SLC19A1: variants seen among roughly 807,000 people sequenced by gnomAD.
SLC19A1 encodes solute carrier family 19 member 1.
A neutral mutation model predicts 35.3 loss-of-function variants in SLC19A1; 37 were observed. The observed-to-expected ratio is 1.05, with a 90% CI of 0.81 to 1.38. The LOEUF is 1.38. Among genes scored for constraint, SLC19A1 ranks in the 40% most tolerant of loss-of-function variants. The probability of loss-of-function intolerance (pLI) is 0.00; values close to 1 mark genes in which losing one functional copy is unlikely to be tolerated. For synonymous variants in SLC19A1, 460 were observed against 398.5 expected (o/e 1.15, Z -1.84); for missense variants, 831 against 826.9 (o/e 1.00, Z -0.06).
chr21:45,504,645 G>T (rs1006240738), intron 3 of SLC19A1: 50 of 1,187,040 alleles, frequency 4.2e-5, no homozygotes, highest in Middle Eastern at 2.7e-4. Flanking sequence ...TTCGACACCC[G>T]CGAAGGCCGG....
intron 1 of SLC19A1, among the ~76,000 whole-genome samples, chr21:45,558,812 T>C (rs75586415): frequency 5.4e-5 from 2 of 37,232 alleles, no homozygotes; most frequent in Non-Finnish European, 1.0e-4. Flanking sequence ...TTTTCTTTTT[T>C]CTTTTTTTTT....
intron 5 of SLC19A1, among the ~76,000 whole-genome samples, chr21:45,516,864 G>A (rs2037973022): frequency 6.6e-6 from 1 of 152,202 alleles, no homozygotes; most frequent in Non-Finnish European, 1.5e-5. Context: ...CACATCCGCA[G>A]GCCAGAATCC....
chr21:45,517,671 T>TG lies in SLC19A1; in HGVS notation c.1294-1532dup, dbSNP rs796317298. On this transcript the variant is annotated intron_variant, in intron 5 of 5. Transcript: ENST00000311124. This position sits in a 1 kb window ranked among gnomAD's most constrained non-coding sequence, Gnocchi z 4.4. ...GTGCCTGTCCTGTCCCCCTCCATGC[T>TG]GGGGGGTGTCAGAGGAGGTCAAGCG... Among the ~76,000 whole-genome samples the TG allele has an allele frequency of 1.6e-4, 25 of 152,142 alleles. 1 individual carries two copies. The highest frequency in any genetic ancestry group is 6.0e-4 in the African/African-American group (25 of 41,482).
chr21:45,553,526 G>T (rs1240355360), intron 1 of SLC19A1, among the ~76,000 whole-genome samples: 1 of 151,580 alleles, frequency 6.6e-6, no homozygotes, highest in Non-Finnish European at 1.5e-5. Flanking sequence ...TGGCATTAAG[G>T]ACATTCACAC....
intron 3 of SLC19A1, chr21:45,506,787 C>CTGGAGCCCTCCCACCCTCCTAT (rs1422319902): frequency 0.04 from 2,214 of 55,418 alleles, 20 homozygotes; most frequent in South Asian, 0.065. Flanking sequence ...CACCTTCCCT[C>CTGGAGCCCTCCCACCCTCCTAT]TGGAGCCCTC....
chr21:45,552,706 A>T (rs113677723), intron 1 of SLC19A1, among the ~76,000 whole-genome samples: 5,525 of 151,328 alleles, frequency 0.037, 143 homozygotes, highest in Non-Finnish European at 0.054. Flanking sequence ...GGTTGGGGCC[A>T]GTCTCATCCT....
rs28756113 is a variant in SLC19A1 at position 45,530,171 on chromosome 21, G to A, written c.1151+599C>T. Among the ~76,000 whole-genome samples the A allele has an allele frequency of 0.011, 1,626 of 150,606 alleles. 22 individuals carry two copies. Among genetic ancestry groups the A allele is most frequent in the African/African-American group, 0.034 (1,390 of 40,914 alleles). ...CATTGTGTGTCCGTGTGTGTGTGGTGCGTCCATGTGTAGTGGGTGTCCATG... is the reference window on the plus strand; with the variant it reads ...CATTGTGTGTCCGTGTGTGTGTGGTACGTCCATGTGTAGTGGGTGTCCATG... On this transcript the variant is annotated intron_variant, in intron 4 of 5. Transcript: ENST00000311124. The surrounding 1 kb of genome is among the most constrained non-coding windows in gnomAD (Gnocchi z 5.3).
rs2037891219 is a variant in SLC19A1, at chr21:45,515,797, C to T, written c.1637G>A (p.Cys546Tyr). 6.2e-7 allele frequency: 1 copy of T among 1,612,994 alleles called. No homozygotes were observed. The highest frequency in any genetic ancestry group is 8.5e-7 in the Non-Finnish European group (1 of 1,179,604). The change falls in exon 6 of 6, where the codon TGC becomes TAC. Residue 546 changes from cysteine to tyrosine, a missense_variant. Transcript: ENST00000311124. ...TGAGGCTTGGGCGGAGCACAGAGTG[C>T]AGGGGGAAGGGGTTGTCACTGGGCT... ...FLSPVTTPSP[C>Y]TLCSAQASGP...
chr21:45,509,063 G>C (rs755187126), downstream of SLC19A1, among the ~76,000 whole-genome samples: 1 of 152,130 alleles, frequency 6.6e-6, no homozygotes, highest in Non-Finnish European at 1.5e-5. Context: ...TTGGAGCCGC[G>C]GCAAAGGAGA....
chr21:45,528,098 GGGCA>G (rs942085956), intron 4 of SLC19A1, among the ~76,000 whole-genome samples: 1 of 151,766 alleles, frequency 6.6e-6, no homozygotes, highest in African/African-American at 2.4e-5. Flanking sequence ...GGAGGCTCGG[GGGCA>G]GGCAGGCAGG....
chr21:45,503,847 C>T, intron 3 of SLC19A1: 1 of 525,060 alleles, frequency 1.9e-6, no homozygotes, highest in South Asian at 3.2e-5. Context: ...ACAAAAACAT[C>T]AGAAAGTATC....
chr21:45,549,996 C>G (rs564878857), intron 1 of SLC19A1, among the ~76,000 whole-genome samples: 2 of 152,136 alleles, frequency 1.3e-5, no homozygotes, highest in Admixed American at 1.3e-4. Flanking sequence ...TGCAGAGCCC[C>G]GAACTCTCTG....
Position 45,515,037 on chromosome 21 carries a change from GA to G in SLC19A1, c.*620del. 1 of 1,542,738 alleles carries G rather than the reference GA, an allele frequency of 6.5e-7. No homozygotes were observed. The highest frequency in any genetic ancestry group is 1.2e-5 in the South Asian group (1 of 82,466). ...ATGGAGGGCTGCCCTTAGGGTGGGA[GA>G]GAGGAACCAGCTCCGAGGACCAGAG... On this transcript the variant is annotated 3_prime_UTR_variant, in exon 6 of 6. Coordinates refer to ENST00000311124, the MANE Select transcript of SLC19A1 (RefSeq NM_194255.4).
At chr21:45,529,778 G>A (rs910175270) in intron 4 of SLC19A1, among the ~76,000 whole-genome samples, 4 of 151,792 alleles carry the variant, frequency 2.6e-5, no homozygotes, top group Admixed American at 6.6e-5. Flanking sequence ...GTGTTCATGT[G>A]AGTGTGGTGT....
At chr21:45,508,128 T>G (rs1006311439), downstream of SLC19A1, among the ~76,000 whole-genome samples, 2 of 141,390 alleles carry the variant, frequency 1.4e-5, no homozygotes, top group African/African-American at 5.3e-5. Context: ...AGTGGACGGG[T>G]GGGTGGGTGG....
rs112227161 is a variant in SLC19A1, at chr21:45,525,219, G to A, written c.1293+598C>T. 8.3e-3 allele frequency among the ~76,000 whole-genome samples: 1,267 copies of A among 152,338 alleles called. 18 individuals carry two copies. The highest frequency in any genetic ancestry group is 0.029 in the African/African-American group (1,198 of 41,578). The stretch of plus-strand genomic sequence containing the variant: ...AAAGCCCTTGTCCCACCCGCCAAGG[G>A]CATCTGTCTAGCTGCAGGCTGGGGC... On this transcript the variant is annotated intron_variant, in intron 5 of 5. Transcript: ENST00000311124.
At chr21:45,526,108 T>A in intron 4 of SLC19A1, 150 bp from the exon 5 acceptor site, 1 of 792,784 alleles carries the variant, frequency 1.3e-6, no homozygotes, top group Non-Finnish European at 2.0e-6. Context: ...CAGGCCCCCA[T>A]CTCTCCCACA....
In SLC19A1 at chr21:45,530,739, G is replaced by A. The variant is rs749488601; in HGVS notation, c.1151+31C>T. 1.8e-5 allele frequency: 28 copies of A among 1,542,204 alleles called. No individual in the cohort carries two copies. Among genetic ancestry groups the A allele is most frequent in the Admixed American group, 9.9e-5 (5 of 50,472 alleles). ...CGGGGCTTGATCCTGGCGCCTGCCC[G>A]CCCCCGGCTTCCCACCCTTCTGGAA... On this transcript the variant is annotated intron_variant, in intron 4 of 5. Transcript: ENST00000311124. The surrounding 1 kb of genome is among the most constrained non-coding windows in gnomAD (Gnocchi z 5.3).
intron 1 of SLC19A1, among the ~76,000 whole-genome samples, chr21:45,539,393 T>A (rs1188992862): frequency 6.6e-6 from 1 of 152,254 alleles, no homozygotes; most frequent in African/African-American, 2.4e-5. Context: ...TGCACTGGGC[T>A]GACAGTTGGA....
Sources: allele counts gnomAD v4.1 joint callset (sites outside exome capture counted in the v4.1 genomes callset), GRCh38; gene constraint gnomAD v4.1.1; non-coding constraint Gnocchi (gnomAD v3.1); transcripts MANE v1.5; gene names NCBI Gene and HGNC (gene_info 2026-07-23, HGNC 2026-07-21).